Variants in ZSCAN25 observed in about 807,000 individuals in gnomAD.
The protein encoded by ZSCAN25 is zinc finger and SCAN domain containing 25.
A neutral mutation model predicts 38.7 loss-of-function variants in ZSCAN25; 27 were observed. The observed-to-expected ratio is 0.70, with a 90% CI of 0.51 to 0.96. The LOEUF (loss-of-function observed/expected upper bound fraction) is 0.96, where lower values mean the gene tolerates loss of function less well. ZSCAN25 is among the 40% of genes least tolerant of loss of function. The pLI, the probability that ZSCAN25 is intolerant of heterozygous loss-of-function variation, is 0.00. For missense variants in ZSCAN25, 637 were observed against 705.9 expected, an observed-to-expected ratio of 0.90 and a Z score of 1.11; for synonymous variants, 273 against 277.7, an observed-to-expected ratio of 0.98 and a Z score of 0.17.
At chr7:99,692,928 T>C in the ZSCAN25 span, among the ~76,000 whole-genome samples, 30 of 152,344 alleles carry the variant, frequency 2.0e-4, no homozygotes, top group African/African-American at 7.0e-4. Context: ...TGTCCAGTTT[T>C]GTTCCCTTGC....
the ZSCAN25 span, among the ~76,000 whole-genome samples, chr7:99,703,495 T>G: frequency 6.6e-6 from 1 of 152,174 alleles, no homozygotes; most frequent in Non-Finnish European, 1.5e-5. Flanking sequence ...CACAAACACA[T>G]GTATACATTT....
chr7:99,622,255 T>C (rs180973695), intron 5 of ZSCAN25: 306 of 419,590 alleles, frequency 7.3e-4, no homozygotes, highest in Non-Finnish European at 9.6e-4. Context: ...TTGAATCTCA[T>C]AGGAGGTTAT....
At chr7:99,648,471 G>GA in the ZSCAN25 span, 3 of 814,206 alleles carry the variant, frequency 3.7e-6, no homozygotes, top group Admixed American at 2.4e-5. Flanking sequence ...AAGCAAAGTA[G>GA]AAAAAATATG....
the ZSCAN25 span, among the ~76,000 whole-genome samples, chr7:99,711,654 G>A: frequency 6.6e-6 from 1 of 152,146 alleles, no homozygotes; most frequent in Non-Finnish European, 1.5e-5. Flanking sequence ...TGTAATCCCA[G>A]CTACTTGGGA....
the ZSCAN25 span, chr7:99,664,028 T>C: frequency 1.9e-6 from 3 of 1,602,038 alleles, no homozygotes; most frequent in African/African-American, 2.7e-5. Context: ...TTAAAAAATT[T>C]ATGGTATCTT....
the ZSCAN25 span, among the ~76,000 whole-genome samples, chr7:99,691,281 C>A: frequency 7.6e-6 from 1 of 131,628 alleles, no homozygotes; most frequent in African/African-American, 2.9e-5. Flanking sequence ...CATCACACTC[C>A]GGGGACTGTT....
At chr7:99,680,738 C>CA in the ZSCAN25 span, among the ~76,000 whole-genome samples, 1 of 152,140 alleles carries the variant, frequency 6.6e-6, no homozygotes, top group East Asian at 1.9e-4. Flanking sequence ...CACTGTGTCC[C>CA]AACTAATAAA....
chr7:99,647,475 C>T, the ZSCAN25 span: 1 of 984,896 alleles, frequency 1.0e-6, no homozygotes, highest in African/African-American at 1.7e-5. Context: ...ATTCAGTGTT[C>T]ATTGCATTAA....
intron 7 of ZSCAN25, chr7:99,624,411 GT>G: frequency 7.2e-6 from 4 of 554,914 alleles, no homozygotes; most frequent in Admixed American, 6.1e-5. Flanking sequence ...ATGGAGACAG[GT>G]CGGTCATGAG....
At chr7:99,655,190 T>C in the ZSCAN25 span, among the ~76,000 whole-genome samples, 2 of 152,232 alleles carry the variant, frequency 1.3e-5, no homozygotes, top group Admixed American at 6.5e-5. Context: ...TAGGTTTTCT[T>C]CTAGGGTTTT....
the ZSCAN25 span, chr7:99,715,440 T>TA: frequency 5.8e-6 from 2 of 344,452 alleles, no homozygotes; most frequent in African/African-American, 2.1e-5. Flanking sequence ...ACTAGAGAAT[T>TA]AAAAAAACCC....
the ZSCAN25 span, chr7:99,676,054 G>GGAATGGTCAAGAGAGGGAGGTAAT: frequency 6.8e-7 from 1 of 1,461,260 alleles, no homozygotes; most frequent in Non-Finnish European, 9.6e-7. Flanking sequence ...CATTTTTACT[G>GGAATGGTCAAGAGAGGGAGGTAAT]ATGGAACTAA....
chr7:99,663,016 C>G, the ZSCAN25 span: 1 of 1,442,254 alleles, frequency 6.9e-7, no homozygotes, highest in African/African-American at 1.4e-5. Context: ...AGACGTGTTA[C>G]CTGAGTCACC....
chr7:99,630,767 C>T lies in ZSCAN25; in HGVS notation c.*747C>T. Reference sequence around the variant, plus strand: ...TGTAAAACTTCCCCGTCCATTATTCCTTGCACTATAACAACTGTCAACACA... The same window carrying T: ...TGTAAAACTTCCCCGTCCATTATTCTTTGCACTATAACAACTGTCAACACA... On this transcript the variant is annotated 3_prime_UTR_variant, in exon 8 of 8. Coordinates refer to ENST00000394152, the MANE Select transcript of ZSCAN25 (RefSeq NM_145115.3). 5.1e-6 allele frequency: 5 copies of T among 985,414 alleles called. No individual in the cohort carries two copies. Among genetic ancestry groups the T allele is most frequent in the Non-Finnish European group, 6.0e-6 (5 of 829,942 alleles). 61.0% of individuals were successfully genotyped at this position (985,414 alleles called of 1,614,324 possible).
chr7:99,720,162 G>A, the ZSCAN25 span: 10 of 904,724 alleles, frequency 1.1e-5, no homozygotes, highest in Non-Finnish European at 1.7e-5. Context: ...ATGCAAGATT[G>A]CAAGATGTTA....
At chr7:99,686,216 A>C in the ZSCAN25 span, among the ~76,000 whole-genome samples, 1 of 152,246 alleles carries the variant, frequency 6.6e-6, no homozygotes, top group Admixed American at 6.5e-5. Context: ...GCATTGCCTC[A>C]CTTGAGAAGC....
the ZSCAN25 span, among the ~76,000 whole-genome samples, chr7:99,656,004 A>G: frequency 6.6e-6 from 1 of 152,210 alleles, no homozygotes; most frequent in Non-Finnish European, 1.5e-5. Context: ...TTTTCTAGAT[A>G]TACAATCATG....
chr7:99,689,156 A>T, the ZSCAN25 span, among the ~76,000 whole-genome samples: 1 of 152,368 alleles, frequency 6.6e-6, no homozygotes, highest in South Asian at 2.1e-4. Flanking sequence ...AAGGCAAGAA[A>T]TAACTAAAAT....
chr7:99,714,675 A>G, the ZSCAN25 span: 4 of 1,612,458 alleles, frequency 2.5e-6, no homozygotes, highest in South Asian at 3.3e-5. Context: ...TAAGGAATGG[A>G]AAGACTTCTG....
Sources: allele counts gnomAD v4.1 joint callset (sites outside exome capture counted in the v4.1 genomes callset), GRCh38; gene constraint gnomAD v4.1.1; transcripts MANE v1.5; gene names NCBI Gene and HGNC (gene_info 2026-07-23, HGNC 2026-07-21).